Variants in ARHGAP26 observed in about 807,000 individuals in gnomAD.
ARHGAP26 encodes the protein Rho GTPase activating protein 26.
A neutral mutation model predicts 104.8 loss-of-function variants in ARHGAP26; 38 were observed. The ratio of observed to expected loss-of-function variants is 0.36; its 90% CI spans 0.28 to 0.48. The LOEUF is 0.48. Among genes scored for constraint, ARHGAP26 ranks in the 20% least tolerant of loss-of-function variants. The pLI is 0.99. For missense variants in ARHGAP26, 704 were observed against 947.9 expected, an observed-to-expected ratio of 0.74 and a Z score of 3.38; for synonymous variants, 341 against 340.0, an observed-to-expected ratio of 1.00 and a Z score of -0.03.
At chr5:143,034,387 A>G (rs1782320755) in intron 12 of ARHGAP26, among the ~76,000 whole-genome samples, 1 of 152,212 alleles carries the variant, frequency 6.6e-6, no homozygotes, top group African/African-American at 2.4e-5. Flanking sequence ...AAAATGTGAT[A>G]TATCTGGACC....
chr5:143,120,913 G>T lies in ARHGAP26; in HGVS notation c.1539-75G>T, dbSNP rs1796052341. On this transcript the variant is annotated intron_variant, in intron 17 of 22. Coordinates refer to ENST00000645722, the MANE Select transcript of ARHGAP26 (RefSeq NM_001135608.3). ...GAGGAGTCTATAAATAGGAAGATAG[G>T]AAGGATACAGGGTGGTTGGTATCTC... 5 of 1,426,200 alleles carry T rather than the reference G, an allele frequency of 3.5e-6. No individual in the cohort carries two copies. The Admixed American group carries it at 1.1e-4, about 31-fold the overall frequency. 88.3% of individuals were successfully genotyped at this position (1,426,200 alleles called of 1,614,324 possible). A position where few individuals can be genotyped will look rare whatever the true frequency, so the allele number is the denominator to read the frequency against.
chr5:142,996,660 T>C (rs1776442362), intron 11 of ARHGAP26, among the ~76,000 whole-genome samples: 1 of 152,002 alleles, frequency 6.6e-6, no homozygotes, highest in South Asian at 2.1e-4. Flanking sequence ...TTCTTGGTGG[T>C]TGTAGGAAGG....
chr5:142,935,911 A>G (rs1478035193), intron 11 of ARHGAP26, among the ~76,000 whole-genome samples: 1 of 152,150 alleles, frequency 6.6e-6, no homozygotes, highest in Non-Finnish European at 1.5e-5. Context: ...AGGGTAAAAG[A>G]CTGAATGCTT....
intron 1 of ARHGAP26, among the ~76,000 whole-genome samples, chr5:142,817,951 C>T (rs376937550): frequency 5.3e-4 from 81 of 152,188 alleles, no homozygotes; most frequent in African/African-American, 1.8e-3. Context: ...TTGTTGTCTT[C>T]TCTGAGCTTT....
intron 1 of ARHGAP26, among the ~76,000 whole-genome samples, chr5:142,800,235 C>G (rs982022767): frequency 2.6e-5 from 4 of 152,186 alleles, no homozygotes; most frequent in African/African-American, 4.8e-5. Flanking sequence ...AGGGAGGGCT[C>G]TAGAGACATG....
intron 12 of ARHGAP26, among the ~76,000 whole-genome samples, chr5:143,036,865 GAGCAATGTAA>G (rs1201826088): frequency 6.6e-6 from 1 of 152,196 alleles, no homozygotes; most frequent in Non-Finnish European, 1.5e-5. Flanking sequence ...GTTAATAGCA[GAGCAATGTAA>G]AGGTACCTGT....
chr5:142,926,858 A>G (rs1562094017), intron 10 of ARHGAP26, among the ~76,000 whole-genome samples: 1 of 151,982 alleles, frequency 6.6e-6, no homozygotes, highest in East Asian at 1.9e-4. Flanking sequence ...CCCCACCTCT[A>G]CCTGCCCCTG....
At chr5:143,062,063 A>G (rs912088179) in intron 17 of ARHGAP26, among the ~76,000 whole-genome samples, 4 of 152,246 alleles carry the variant, frequency 2.6e-5, no homozygotes, top group African/African-American at 9.6e-5. Flanking sequence ...GAATAAAGAC[A>G]GCCCACGGTG....
chr5:142,914,642 T>G (rs1181758827), intron 10 of ARHGAP26, among the ~76,000 whole-genome samples: 1 of 152,154 alleles, frequency 6.6e-6, no homozygotes, highest in African/African-American at 2.4e-5. Context: ...GAGGTACATA[T>G]CCTTTACTGT....
chr5:142,824,985 T>C (rs35303), intron 1 of ARHGAP26, among the ~76,000 whole-genome samples: 45,178 of 152,028 alleles, frequency 0.3, 9,124 homozygotes, highest in African/African-American at 0.56. Context: ...TGAAAATGGA[T>C]CAGCAACTCT....
chr5:142,853,876 A>G (rs1326150330), intron 1 of ARHGAP26, among the ~76,000 whole-genome samples: 4 of 152,174 alleles, frequency 2.6e-5, no homozygotes, highest in Non-Finnish European at 5.9e-5. Flanking sequence ...GGAAACACTA[A>G]TGGACAGTAC....
chr5:143,124,069 A>C (rs773385332), intron 18 of ARHGAP26, among the ~76,000 whole-genome samples: 1 of 152,216 alleles, frequency 6.6e-6, no homozygotes, highest in Non-Finnish European at 1.5e-5. Flanking sequence ...ATTTGAAGAA[A>C]TGCTTTCCAG....
chr5:143,078,219 A>G (rs1222289455), intron 17 of ARHGAP26, among the ~76,000 whole-genome samples: 1 of 152,224 alleles, frequency 6.6e-6, no homozygotes, highest in Non-Finnish European at 1.5e-5. Flanking sequence ...TCAGGACACC[A>G]AAATGATGTG....
At chr5:142,938,572 A>G (rs1000006775) in intron 11 of ARHGAP26, among the ~76,000 whole-genome samples, 3 of 152,234 alleles carry the variant, frequency 2.0e-5, no homozygotes, top group Non-Finnish European at 2.9e-5. Flanking sequence ...GCTGGTAAGC[A>G]TGTTTGCTAA....
At chr5:143,113,358 C>T (rs4912898) in intron 17 of ARHGAP26, among the ~76,000 whole-genome samples, 146,941 of 152,306 alleles carry the variant, frequency 0.96, 70,910 homozygotes, top group East Asian at 1. Flanking sequence ...GAAATGTAGC[C>T]ATGTGTTTCC....
intron 11 of ARHGAP26, among the ~76,000 whole-genome samples, chr5:143,005,486 G>C (rs889428939): frequency 6.6e-6 from 1 of 152,240 alleles, no homozygotes; most frequent in Non-Finnish European, 1.5e-5. Context: ...AGATGGAGTT[G>C]GGATCAGCCC....
intron 1 of ARHGAP26, 27 bp from the exon 2 acceptor site, chr5:142,873,373 T>C: frequency 1.3e-6 from 2 of 1,566,514 alleles, no homozygotes; most frequent in South Asian, 1.2e-5. Context: ...TAGTAATTCC[T>C]GATTTTTCCT....
intron 22 of ARHGAP26, among the ~76,000 whole-genome samples, chr5:143,217,771 CT>C (rs1410469447): frequency 6.6e-6 from 1 of 152,254 alleles, no homozygotes; most frequent in Admixed American, 6.5e-5. Flanking sequence ...CACCTGGGCG[CT>C]TCCACTGGCC....
intron 20 of ARHGAP26, among the ~76,000 whole-genome samples, chr5:143,187,098 AT>A (rs1351107304): frequency 6.6e-6 from 1 of 152,158 alleles, no homozygotes; most frequent in Non-Finnish European, 1.5e-5. Flanking sequence ...ATCTCCTTTA[AT>A]TATCACCAAT....
Sources: gnomAD v4.1 joint callset for allele counts (sites outside exome capture counted in the v4.1 genomes callset) on GRCh38, gnomAD v4.1.1 for gene constraint, MANE v1.5 for transcripts, NCBI Gene and HGNC (gene_info 2026-07-23, HGNC 2026-07-21) for gene names.